SEMA3C: variants seen among roughly 807,000 people sequenced by gnomAD.
The protein encoded by SEMA3C is semaphorin-3C.
Under a neutral mutation model 89.4 loss-of-function variants are expected in SEMA3C, and 47 were observed. That is an observed-to-expected ratio of 0.53 (90% confidence interval 0.42 to 0.67). The LOEUF is 0.67. Ranked by LOEUF, SEMA3C falls within the 30% of genes least tolerant of loss-of-function variation. The pLI, the probability that SEMA3C is intolerant of heterozygous loss-of-function variation, is 0.00. For missense variants in SEMA3C, 839 were observed against 929.1 expected, an observed-to-expected ratio of 0.90 and a Z score of 1.26; for synonymous variants, 310 against 320.2, an observed-to-expected ratio of 0.97 and a Z score of 0.34.
intron 2 of SEMA3C, among the ~76,000 whole-genome samples, chr7:80,845,937 T>G (rs1485379819): frequency 1.3e-5 from 2 of 152,206 alleles, no homozygotes; most frequent in African/African-American, 2.4e-5. Flanking sequence ...GACTTCCTGT[T>G]TTTTAACCAA....
chr7:80,745,415 A>T (rs77277492), intron 17 of SEMA3C, 108 bp from the exon 18 acceptor site: 1 of 1,080,294 alleles, frequency 9.3e-7, no homozygotes, highest in Non-Finnish European at 1.3e-6. Context: ...GGAAAAAAGT[A>T]TTGAGCACTA....
chr7:80,746,831 G>T (rs1251201461), intron 17 of SEMA3C, among the ~76,000 whole-genome samples: 1 of 151,618 alleles, frequency 6.6e-6, no homozygotes, highest in Non-Finnish European at 1.5e-5. Flanking sequence ...TAAAAACTGA[G>T]TAAGTTTTAT....
chr7:80,909,928 C>T (rs1181891056), intron 2 of SEMA3C, among the ~76,000 whole-genome samples: 9 of 152,096 alleles, frequency 5.9e-5, no homozygotes, highest in Non-Finnish European at 1.0e-4. Context: ...CAAATTACTG[C>T]TGAAAATCAG....
At chr7:80,812,969 T>C (rs910384778) in intron 5 of SEMA3C, among the ~76,000 whole-genome samples, 1 of 147,860 alleles carries the variant, frequency 6.8e-6, no homozygotes, top group African/African-American at 2.5e-5. Context: ...GTATTTTTTT[T>C]TTTTTTTTTT....
At position 80,744,773 on chromosome 7, in the gene SEMA3C, T is replaced by G; in HGVS notation, c.*121A>C. 2 of 1,107,396 alleles carry G rather than the reference T, an allele frequency of 1.8e-6. No homozygotes were observed. Among genetic ancestry groups the G allele is most frequent in the Non-Finnish European group, 2.7e-6 (2 of 743,784 alleles). 68.6% of individuals were successfully genotyped at this position (1,107,396 alleles called of 1,614,324 possible). ...CATTTCAGTTCGTGTAAAACTCACTTCAGGAGTAATCACCTTTTTCAGTAA... is the reference window on the plus strand; with the variant it reads ...CATTTCAGTTCGTGTAAAACTCACTGCAGGAGTAATCACCTTTTTCAGTAA... On this transcript the variant is annotated 3_prime_UTR_variant, in exon 18 of 18. Coordinates refer to ENST00000265361, the MANE Select transcript of SEMA3C (RefSeq NM_006379.5).
At chr7:80,807,773 G>GC (rs1454392548) in intron 6 of SEMA3C, among the ~76,000 whole-genome samples, 2 of 152,258 alleles carry the variant, frequency 1.3e-5, no homozygotes, top group Admixed American at 6.5e-5. Flanking sequence ...TCATTTAATA[G>GC]ATATAAATAT....
At chr7:80,872,133 G>A (rs776354505) in intron 2 of SEMA3C, among the ~76,000 whole-genome samples, 2 of 151,940 alleles carry the variant, frequency 1.3e-5, no homozygotes, top group Non-Finnish European at 1.5e-5. Context: ...AATATTTTAC[G>A]TTTTTCTCAG....
At chr7:80,856,900 T>C (rs1790655030) in intron 2 of SEMA3C, among the ~76,000 whole-genome samples, 1 of 152,050 alleles carries the variant, frequency 6.6e-6, no homozygotes, top group South Asian at 2.1e-4. Context: ...AAATGGACAT[T>C]CCATTTGCCT....
At chr7:80,829,089 C>A (rs1789949906) in intron 2 of SEMA3C, among the ~76,000 whole-genome samples, 1 of 151,898 alleles carries the variant, frequency 6.6e-6, no homozygotes, top group Non-Finnish European at 1.5e-5. Context: ...ATCTCTTGAG[C>A]CTAGGAAATT....
chr7:80,775,575 G>A (rs1286182821), intron 12 of SEMA3C, among the ~76,000 whole-genome samples: 1 of 151,948 alleles, frequency 6.6e-6, no homozygotes, highest in Non-Finnish European at 1.5e-5. Flanking sequence ...AAAATCTTAA[G>A]TTTGTTTTCT....
At chr7:80,807,847 A>G (rs573406342) in intron 6 of SEMA3C, among the ~76,000 whole-genome samples, 14 of 152,292 alleles carry the variant, frequency 9.2e-5, no homozygotes, top group African/African-American at 2.9e-4. Flanking sequence ...GTACTATTAC[A>G]TGGTTAAGGG....
intron 17 of SEMA3C, among the ~76,000 whole-genome samples, chr7:80,747,007 A>G (rs1787817924): frequency 2.2e-5 from 2 of 91,048 alleles, no homozygotes; most frequent in African/African-American, 7.2e-5. Context: ...ATGTTTACAC[A>G]GTAGTATGAG....
At position 80,805,659 on chromosome 7, in the gene SEMA3C, T is replaced by C. The variant is rs568121233; in HGVS notation, c.638A>G (p.His213Arg). Residue 213 changes from histidine (H) to arginine (R), a missense_variant, in exon 7 of 18, where the codon CAT becomes CGT. His to Arg is a conservative substitution (Grantham distance 29). Transcript: ENST00000265361. Reference protein sequence around the residue: ...TKRNAVRTDQHNSKWLSEPMF... With the variant: ...TKRNAVRTDQRNSKWLSEPMF... ...CTTACCACTTAGCCATTTGGAATTA[T>C]GTTGATCAGTTCTGACCGCATTCCT... The C allele has an allele frequency of 7.5e-6, 12 of 1,603,402 alleles. No homozygotes were observed. The African/African-American group carries it at 9.4e-5, about 13-fold the overall frequency.
At chr7:80,908,408 G>A (rs1792064294) in intron 2 of SEMA3C, among the ~76,000 whole-genome samples, 1 of 152,106 alleles carries the variant, frequency 6.6e-6, no homozygotes, top group African/African-American at 2.4e-5. Flanking sequence ...TTTAACTTTT[G>A]TGAAATGAGG....
At chr7:80,842,292 T>C (rs1790287442) in intron 2 of SEMA3C, among the ~76,000 whole-genome samples, 2 of 152,180 alleles carry the variant, frequency 1.3e-5, no homozygotes, top group South Asian at 2.1e-4. Context: ...TGCGAAACCA[T>C]TTGTTTCCAA....
intron 12 of SEMA3C, among the ~76,000 whole-genome samples, chr7:80,775,207 GC>G (rs1788520169): frequency 1.3e-5 from 2 of 152,236 alleles, no homozygotes; most frequent in South Asian, 4.1e-4. Context: ...TCTAAAGGAT[GC>G]CTTTTAGTCT....
intron 2 of SEMA3C, among the ~76,000 whole-genome samples, chr7:80,872,071 T>C (rs1430362220): frequency 6.6e-6 from 1 of 152,166 alleles, no homozygotes; most frequent in Non-Finnish European, 1.5e-5. Context: ...CGGCCTTGTA[T>C]GCAATGTTAT....
intron 5 of SEMA3C, among the ~76,000 whole-genome samples, chr7:80,812,638 A>C (rs1789494867): frequency 6.6e-6 from 1 of 152,110 alleles, no homozygotes; most frequent in Admixed American, 6.5e-5. Flanking sequence ...GATCACCCCC[A>C]CCAGGAGCAG....
intron 2 of SEMA3C, among the ~76,000 whole-genome samples, chr7:80,852,726 T>C (rs1286403589): frequency 1.3e-5 from 2 of 149,624 alleles, no homozygotes; most frequent in African/African-American, 5.0e-5. Flanking sequence ...TTGCCCAGGC[T>C]AGAGTGCAGT....
Sources: gnomAD v4.1 joint callset for allele counts (sites outside exome capture counted in the v4.1 genomes callset) on GRCh38, gnomAD v4.1.1 for gene constraint, MANE v1.5 for transcripts, NCBI Gene and HGNC (gene_info 2026-07-23, HGNC 2026-07-21) for gene names.